RGS12: variants seen among roughly 807,000 people sequenced by gnomAD.
The protein encoded by RGS12 is regulator of G-protein signaling 12.
RGS12 carries 66 observed loss-of-function variants against 120.1 expected under a neutral mutation model. The observed-to-expected ratio is 0.55, with a 90% CI of 0.45 to 0.67. RGS12 has a LOEUF of 0.67. Among genes scored for constraint, RGS12 ranks in the 30% least tolerant of loss-of-function variants. The pLI, the probability that RGS12 is intolerant of heterozygous loss-of-function variation, is 0.00. For missense variants in RGS12, 1,859 were observed against 1,957.7 expected, an observed-to-expected ratio of 0.95 and a Z score of 0.95; for synonymous variants, 827 against 804.7, an observed-to-expected ratio of 1.03 and a Z score of -0.47.
chr4:3,439,797 C>A lies in RGS12; in HGVS notation c.*113C>A. On this transcript the variant is annotated 3_prime_UTR_variant, in exon 18 of 18. Coordinates refer to ENST00000336727, the MANE Select transcript of RGS12 (RefSeq NM_001394154.1). ...GCCACCACACCCTCAGGAGCCCAGC[C>A]AGGAGGGCAGGGGGTGACCTCGCTG... The A allele has an allele frequency of 9.4e-7, 1 of 1,064,584 alleles. No homozygotes were observed. Among genetic ancestry groups the A allele is most frequent in the Non-Finnish European group, 1.3e-6 (1 of 760,110 alleles). The allele number at this position is 1,064,584 out of a possible 1,614,324, so 65.9% of individuals were successfully genotyped here.
chr4:3,378,452 G>A (rs1717919100), intron 3 of RGS12: 1 of 152,074 alleles, frequency 6.6e-6, no homozygotes, highest in African/African-American at 2.4e-5. Flanking sequence ...CACAACAAAG[G>A]AAACAACCAA....
At chr4:3,393,813 G>C (rs1719763897) in intron 4 of RGS12, among the ~76,000 whole-genome samples, 1 of 151,970 alleles carries the variant, frequency 6.6e-6, no homozygotes. Flanking sequence ...GATGTGGTCT[G>C]TAAAGTTCAG....
Position 3,390,845 on chromosome 4 carries a change from T to C in RGS12, c.2020+4408T>C, listed in dbSNP as rs1000782621. On this transcript the variant is annotated intron_variant, in intron 4 of 17. Transcript: ENST00000336727. This position sits in a 1 kb window ranked among gnomAD's most constrained non-coding sequence, Gnocchi z 4.6. ...GGGTTACCGTAATTGCCGGATTAAC[T>C]TGGGGGACTTTAAACTGCATTCCTC... Among the ~76,000 whole-genome samples the C allele has an allele frequency of 8.5e-5, 13 of 152,228 alleles. No homozygotes were observed. Among genetic ancestry groups the C allele is most frequent in the Non-Finnish European group, 1.9e-4 (13 of 68,044 alleles).
Position 3,417,078 on chromosome 4 carries a change from T to C in RGS12, c.2593T>C (p.Ser865Pro). 1 of 1,602,314 alleles carries C rather than the reference T, an allele frequency of 6.2e-7. No individual in the cohort carries two copies. Among genetic ancestry groups the C allele is most frequent in the Non-Finnish European group, 8.5e-7 (1 of 1,171,810 alleles). The change falls in exon 8 of 18, where the codon TCC becomes CCC. Residue 865 changes from serine (S) to proline (P), a missense_variant. Physicochemically the swap from Ser to Pro is moderately conservative, Grantham distance 74 (BLOSUM62 -1). Around this residue, in one of 3 missense-constraint regions of RGS12, gnomAD observed 375 missense variants for 475.0 expected, o/e 0.79. Transcript: ENST00000336727. ...CCTCGGTTCAGACCACTCCAGTGTG[T>C]CCACGCCAAAAAAGGTGACCTCCCC... is the stretch of plus-strand genomic sequence containing the variant. ...HSLGSDHSSVSTPKKLSGKSK... is the reference protein window; with the variant it reads ...HSLGSDHSSVPTPKKLSGKSK...
At chr4:3,309,003 G>A (rs528286351) in intron 1 of RGS12, among the ~76,000 whole-genome samples, 8 of 152,358 alleles carry the variant, frequency 5.3e-5, no homozygotes, top group Non-Finnish European at 1.2e-4. Context: ...GAGGGGAACC[G>A]GGCAGGGGAG....
At chr4:3,300,035 A>T (rs1017178628) in intron 1 of RGS12, among the ~76,000 whole-genome samples, 1 of 152,186 alleles carries the variant, frequency 6.6e-6, no homozygotes, top group Non-Finnish European at 1.5e-5. Flanking sequence ...TGTCTATAAA[A>T]TAAGGTTGTT....
intron 2 of RGS12, among the ~76,000 whole-genome samples, chr4:3,342,158 G>C (rs1713301747): frequency 6.6e-6 from 1 of 152,040 alleles, no homozygotes; most frequent in African/African-American, 2.4e-5. Context: ...AGTAGCTGCA[G>C]AGCCTCAAAA....
At chr4:3,353,624 C>T (rs1363011784) in intron 3 of RGS12, among the ~76,000 whole-genome samples, 3 of 152,138 alleles carry the variant, frequency 2.0e-5, no homozygotes, top group African/African-American at 4.8e-5. Flanking sequence ...GACTGTGCCA[C>T]GGGCTTCTCC....
intron 4 of RGS12, 91 bp from the exon 5 acceptor site, chr4:3,413,981 C>T (rs907336630): frequency 5.3e-5 from 71 of 1,328,570 alleles, no homozygotes; most frequent in South Asian, 1.1e-4. Context: ...GAGCTTGCTG[C>T]GTGTCCCAGG....
chr4:3,340,223 G>A (rs1233584586), intron 2 of RGS12, among the ~76,000 whole-genome samples: 2 of 152,232 alleles, frequency 1.3e-5, no homozygotes, highest in Non-Finnish European at 2.9e-5. Context: ...ACACCTGCCA[G>A]GAGCCGGGCG....
At chr4:3,428,760 G>C in intron 16 of RGS12, 49 bp downstream of exon 16, 1 of 1,495,726 alleles carries the variant, frequency 6.7e-7, no homozygotes, top group Non-Finnish European at 9.1e-7. Context: ...TGCACAGTTA[G>C]TTTCCAGTAT....
rs754687895 is a variant in RGS12 at position 3,439,525 on chromosome 4, G to A, written c.4185G>A (p.Ser1395=). The part of the protein sequence containing the change: ...RIIDVDLVTG[S]APGRDGGIAG... Reference sequence around the variant, plus strand: ...TCGATGTGGATCTTGTAACTGGCTCGGCGCCCGGGCGGGATGGTGGCATAG... The same window carrying A: ...TCGATGTGGATCTTGTAACTGGCTCAGCGCCCGGGCGGGATGGTGGCATAG... Residue 1395 remains serine, a synonymous_variant, in exon 18 of 18, where the codon TCG becomes TCA. Coordinates refer to ENST00000336727, the MANE Select transcript of RGS12 (RefSeq NM_001394154.1). 25 of 1,612,724 alleles carry A rather than the reference G, an allele frequency of 1.6e-5. No homozygotes were observed. Among genetic ancestry groups the A allele is most frequent in the South Asian group, 7.7e-5 (7 of 91,086 alleles).
chr4:3,329,621 C>T (rs1014605857), intron 2 of RGS12, among the ~76,000 whole-genome samples: 4 of 141,742 alleles, frequency 2.8e-5, no homozygotes, highest in African/African-American at 1.2e-4. Context: ...CCCGAGAGGG[C>T]TTGAGTGTGA....
At position 3,317,243 on chromosome 4, in the gene RGS12, G is replaced by A. The variant is rs765854294; in HGVS notation, c.1073G>A (p.Arg358Gln). 8.7e-6 allele frequency: 14 copies of A among 1,614,044 alleles called. No individual in the cohort carries two copies. Among genetic ancestry groups the A allele is most frequent in the African/African-American group, 5.3e-5 (4 of 74,932 alleles). ...AAGATCCACCAAGGCATTGCTCGGC[G>A]GTTTGGGTTTGAGTGCACGGCCGAC... ...NHKIHQGIAR[R>Q]FGFECTADPD... Residue 358 changes from arginine (R) to glutamine (Q), a missense_variant, in exon 2 of 18, where the codon CGG becomes CAG. Transcript: ENST00000336727.
intron 7 of RGS12, 130 bp downstream of exon 7, chr4:3,416,251 G>T (rs905325321): frequency 2.8e-6 from 3 of 1,078,398 alleles, no homozygotes; most frequent in Non-Finnish European, 3.9e-6. Flanking sequence ...GTAGAGAAAC[G>T]CAGACAGAAA....
upstream of RGS12, among the ~76,000 whole-genome samples, chr4:3,290,912 C>T (rs558002646): frequency 1.3e-5 from 2 of 152,270 alleles, no homozygotes; most frequent in Non-Finnish European, 2.9e-5. Flanking sequence ...ACACTTGACA[C>T]CTTCTCTCCG....
chr4:3,339,241 G>C (rs554172263), intron 2 of RGS12, among the ~76,000 whole-genome samples: 43 of 152,290 alleles, frequency 2.8e-4, no homozygotes, highest in African/African-American at 1.0e-3. Flanking sequence ...TCAGCACTTT[G>C]GGATGCTGAG....
In RGS12 at chr4:3,433,223, A is replaced by G. The variant is rs1724497517; in HGVS notation, c.4114+2268A>G. Among the ~76,000 whole-genome samples, 1 of 152,166 alleles carries G rather than the reference A, an allele frequency of 6.6e-6. No individual in the cohort carries two copies. Among genetic ancestry groups the G allele is most frequent in the Non-Finnish European group, 1.5e-5 (1 of 68,018 alleles). ...CTCCGACGTTGACAGTTGCTGTGGGATGCTTCCTCACAATGTGGCAGCCGC... is the reference window on the plus strand; with the variant it reads ...CTCCGACGTTGACAGTTGCTGTGGGGTGCTTCCTCACAATGTGGCAGCCGC... On this transcript the variant is annotated intron_variant, in intron 17 of 17. Coordinates refer to ENST00000336727, the MANE Select transcript of RGS12 (RefSeq NM_001394154.1). The surrounding 1 kb of genome is among the most constrained non-coding windows in gnomAD (Gnocchi z 4.4).
At chr4:3,367,184 C>A (rs1308224833) in intron 3 of RGS12, among the ~76,000 whole-genome samples, 1 of 152,254 alleles carries the variant, frequency 6.6e-6, no homozygotes, top group Non-Finnish European at 1.5e-5. Flanking sequence ...AGGCCTGAGT[C>A]CCCGCTGCAC....
Sources: allele counts gnomAD v4.1 joint callset (sites outside exome capture counted in the v4.1 genomes callset), GRCh38; gene constraint gnomAD v4.1.1; regional missense constraint gnomAD v4.1.1; non-coding constraint Gnocchi (gnomAD v3.1); transcripts MANE v1.5; gene names NCBI Gene and HGNC (gene_info 2026-07-23, HGNC 2026-07-21).